Variants in SMYD1 observed in about 807,000 individuals in gnomAD.
The protein encoded by SMYD1 is histone-lysine N-methyltransferase SMYD1.
Under a neutral mutation model 54.0 loss-of-function variants are expected in SMYD1, and 49 were observed. That is an observed-to-expected ratio of 0.91 (90% CI 0.72 to 1.15). The LOEUF is 1.15. Ranked by LOEUF, SMYD1 falls within the 50% of genes most tolerant of loss-of-function variation. SMYD1 has a pLI of 0.00. For synonymous variants in SMYD1, 269 were observed against 234.2 expected (o/e 1.15, Z -1.36); for missense variants, 653 against 639.6 (o/e 1.02, Z -0.23).
Position 88,103,122 on chromosome 2 carries a change from A to G in SMYD1, c.953A>G (p.Lys318Arg). 6.2e-7 allele frequency: 1 copy of G among 1,613,838 alleles called. No homozygotes were observed. The highest frequency in any genetic ancestry group is 8.5e-7 in the Non-Finnish European group (1 of 1,179,788). ...FSKDTLEKID[K>R]ARSEGLYHEV... Reference sequence around the variant, plus strand: ...AAGGATACATTGGAAAAGATAGACAAGGCTCGTTCCGAGGGTTTGTATCAT... The same window carrying G: ...AAGGATACATTGGAAAAGATAGACAGGGCTCGTTCCGAGGGTTTGTATCAT... The change falls in exon 7 of 10, where the codon AAG (lysine) becomes AGG (arginine). Residue 318 changes from lysine (K) to arginine (R), a missense_variant. Physicochemically the swap from Lys to Arg is conservative, Grantham distance 26 (BLOSUM62 2). Transcript: ENST00000419482.
chr2:88,104,048 G>T (rs1228728137), intron 7 of SMYD1, among the ~76,000 whole-genome samples: 1 of 150,846 alleles, frequency 6.6e-6, no homozygotes, highest in East Asian at 2.0e-4. Context: ...CTCACTGCAA[G>T]CTCTGCCTCC....
chr2:88,096,895 A>T, intron 6 of SMYD1, 111 bp downstream of exon 6: 1 of 1,100,590 alleles, frequency 9.1e-7, no homozygotes. Flanking sequence ...CTAGGGAGCA[A>T]CTGTCACCCT....
In SMYD1 at chr2:88,106,357, G is replaced by A. The variant is rs377627460; in HGVS notation, c.1014G>A (p.Lys338=). ...VVKLCRECLE[K]QEPVFADTNI... Reference sequence around the variant, plus strand: ...AATTATGCCGGGAGTGCCTGGAGAAGCAGGAGCCAGTGTTTGCTGACACCA... The same window carrying A: ...AATTATGCCGGGAGTGCCTGGAGAAACAGGAGCCAGTGTTTGCTGACACCA... Residue 338 remains lysine, a synonymous_variant, in exon 8 of 10, where the codon AAG becomes AAA. Coordinates refer to ENST00000419482, the MANE Select transcript of SMYD1 (RefSeq NM_198274.4). 1 of 1,614,186 alleles carries A rather than the reference G, an allele frequency of 6.2e-7. No homozygotes were observed. Among genetic ancestry groups the A allele is most frequent in the Non-Finnish European group, 8.5e-7 (1 of 1,180,032 alleles).
chr2:88,097,575 G>A (rs781272787), intron 6 of SMYD1, among the ~76,000 whole-genome samples: 1 of 152,158 alleles, frequency 6.6e-6, no homozygotes, highest in Non-Finnish European at 1.5e-5. Flanking sequence ...AGGCATGGAG[G>A]CGTCTCACAT....
At chr2:88,078,565 G>C (rs1674120666) in intron 1 of SMYD1, among the ~76,000 whole-genome samples, 1 of 151,500 alleles carries the variant, frequency 6.6e-6, no homozygotes, top group Non-Finnish European at 1.5e-5. Flanking sequence ...GCCGATGAGG[G>C]GAGATGGGAA....
chr2:88,074,588 G>T (rs1229760151), intron 1 of SMYD1, among the ~76,000 whole-genome samples: 1 of 152,162 alleles, frequency 6.6e-6, no homozygotes, highest in Non-Finnish European at 1.5e-5. Flanking sequence ...CAACGAAAAA[G>T]AATTTTCTAG....
intron 7 of SMYD1, among the ~76,000 whole-genome samples, chr2:88,104,168 A>T (rs10168951): frequency 3.9e-5 from 6 of 151,938 alleles, no homozygotes; most frequent in Admixed American, 6.5e-5. Context: ...GGGTTTCACC[A>T]TGTTAGCCAG....
intron 8 of SMYD1, among the ~76,000 whole-genome samples, chr2:88,107,198 C>CAA (rs552894410): frequency 0.033 from 4,808 of 145,292 alleles, 275 homozygotes; most frequent in African/African-American, 0.11. Flanking sequence ...AAGACTGTCT[C>CAA]AAAAAAAAAA....
intron 2 of SMYD1, 86 bp from the exon 3 acceptor site, chr2:88,087,776 G>A: frequency 8.3e-7 from 1 of 1,198,696 alleles, no homozygotes; most frequent in Non-Finnish European, 1.1e-6. Flanking sequence ...CCAACATTGT[G>A]CCTGGCATGC....
intron 7 of SMYD1, among the ~76,000 whole-genome samples, chr2:88,104,156 A>T (rs183323407): frequency 1.2e-4 from 18 of 151,958 alleles, no homozygotes; most frequent in East Asian, 3.9e-4. Flanking sequence ...TCAGTAGAGA[A>T]GGGGTTTCAC....
chr2:88,097,422 A>G (rs1426019286), intron 6 of SMYD1, among the ~76,000 whole-genome samples: 2 of 152,300 alleles, frequency 1.3e-5, no homozygotes, highest in Non-Finnish European at 2.9e-5. Context: ...AGTTAAAGCA[A>G]CAGAGCAGAA....
intron 6 of SMYD1, among the ~76,000 whole-genome samples, chr2:88,102,240 A>G (rs1218258480): frequency 2.0e-5 from 3 of 152,252 alleles, no homozygotes; most frequent in Admixed American, 6.5e-5. Context: ...TAAGCATAGC[A>G]TGTAAACTTC....
chr2:88,110,225 G>GTGTGTGTGTGTGTGTGTATTCT (rs1674983887), intron 9 of SMYD1, 129 bp from the exon 10 acceptor site: 1 of 886,722 alleles, frequency 1.1e-6, no homozygotes, highest in Non-Finnish European at 1.7e-6. Flanking sequence ...GTGTGTGTGT[G>GTGTGTGTGTGTGTGTGTATTCT]TGTGTGTGTA....
At chr2:88,091,171 G>A (rs759561796) in intron 4 of SMYD1, 29 bp downstream of exon 4, 5 of 1,608,172 alleles carry the variant, frequency 3.1e-6, no homozygotes, top group Non-Finnish European at 4.3e-6. Flanking sequence ...GGGGGTGTGT[G>A]TGAAGGGGAT....
chr2:88,076,502 C>G (rs995428260), intron 1 of SMYD1, among the ~76,000 whole-genome samples: 3 of 152,170 alleles, frequency 2.0e-5, no homozygotes, highest in African/African-American at 7.2e-5. Context: ...GGATTACAGA[C>G]GTGAGCCACC....
Position 88,108,436 on chromosome 2 carries a change from G to A in SMYD1, c.1211G>A (p.Trp404Ter). Residue 404 changes from tryptophan (W) to a stop codon, truncating the protein, a stop_gained, in exon 9 of 10, where the codon TGG (tryptophan) becomes TAG (stop). Coordinates refer to ENST00000419482, the MANE Select transcript of SMYD1 (RefSeq NM_198274.4). LOFTEE classifies it high-confidence loss of function. ...MAVMRAGLTN[W>*]HAGNIEVGHG... The stretch of plus-strand genomic sequence containing the variant: ...GTGATGCGGGCAGGGCTGACCAACT[G>A]GCATGCTGGTAACATTGAGGTGGGG... 1 of 1,613,154 alleles carries A rather than the reference G, an allele frequency of 6.2e-7. No individual in the cohort carries two copies. The highest frequency in any genetic ancestry group is 8.5e-7 in the Non-Finnish European group (1 of 1,179,598).
rs748687267 is a variant in SMYD1 at position 88,110,393 on chromosome 2, C to T, written c.1354C>T (p.Arg452Cys). Residue 452 changes from arginine (R) to cysteine (C), a missense_variant, in exon 10 of 10, where the codon CGC becomes TGC. By Grantham distance (180) the Arg-to-Cys change is radical. Coordinates refer to ENST00000419482, the MANE Select transcript of SMYD1 (RefSeq NM_198274.4). ...GACGGAGATGGAGCTACGCATGTTC[C>T]GCCAGAACGAATTCATGTACTACAA... is the stretch of plus-strand genomic sequence containing the variant. ...VQTEMELRMF[R>C]QNEFMYYKMR... 23 of 1,612,796 alleles carry T rather than the reference C, an allele frequency of 1.4e-5. No individual in the cohort carries two copies. The highest frequency in any genetic ancestry group is 1.6e-4 in the Middle Eastern group (1 of 6,082).
chr2:88,105,153 C>T (rs1674831546), intron 7 of SMYD1, among the ~76,000 whole-genome samples: 1 of 152,184 alleles, frequency 6.6e-6, no homozygotes, highest in Non-Finnish European at 1.5e-5. Flanking sequence ...TTCCAAAGCA[C>T]AGTGAGTGGA....
intron 7 of SMYD1, among the ~76,000 whole-genome samples, chr2:88,105,384 C>A (rs1047348264): frequency 1.3e-5 from 2 of 152,004 alleles, no homozygotes; most frequent in African/African-American, 4.8e-5. Context: ...TATATACACA[C>A]ACACACACAC....
Sources: gnomAD v4.1 joint callset for allele counts (sites outside exome capture counted in the v4.1 genomes callset) on GRCh38, gnomAD v4.1.1 for gene constraint, MANE v1.5 for transcripts, NCBI Gene and HGNC (gene_info 2026-07-23, HGNC 2026-07-21) for gene names.